SLC66A1: variants seen among roughly 807,000 people sequenced by gnomAD.
The protein encoded by SLC66A1 is solute carrier family 66 member 1, also known as lysosomal amino acid transporter 1 homolog.
In SLC66A1, 23 loss-of-function variants were observed where a neutral mutation model predicts 33.0. The ratio of observed to expected loss-of-function variants is 0.70; its 90% CI spans 0.50 to 0.99. The LOEUF is 0.99. Among genes scored for constraint, SLC66A1 ranks in the 50% least tolerant of loss-of-function variants. SLC66A1 has a pLI of 0.00. For missense variants in SLC66A1, 335 were observed against 383.6 expected (o/e 0.87, Z 1.06); for synonymous variants, 164 against 175.5 (o/e 0.93, Z 0.52).
In SLC66A1 at chr1:19,327,162, CA is replaced by C. The variant is rs1558153695; in HGVS notation, c.619-64del. ...GTGGTGGGGCAGGTGGACATGTGGACAGTTACAATCCAGAGTGACAAGAGGC... is the reference window on the plus strand; with the variant it reads ...GTGGTGGGGCAGGTGGACATGTGGACGTTACAATCCAGAGTGACAAGAGGC... On this transcript the variant is annotated intron_variant, in intron 6 of 7. Transcript: ENST00000375153. 1.8e-5 allele frequency: 26 copies of C among 1,447,286 alleles called. No individual in the cohort carries two copies. In the Admixed American group the frequency reaches 2.8e-4, roughly 16 times the overall value. The allele number at this position is 1,447,286 out of a possible 1,614,324, so 89.7% of individuals were successfully genotyped here. A position where few individuals can be genotyped will look rare whatever the true frequency, so the allele number is the denominator to read the frequency against.
At chr1:19,319,243 G>A (rs775745691) in intron 2 of SLC66A1, among the ~76,000 whole-genome samples, 2 of 152,156 alleles carry the variant, frequency 1.3e-5, no homozygotes, top group Non-Finnish European at 2.9e-5. Flanking sequence ...GGACATTTTC[G>A]TTAGCCCAAA....
chr1:19,313,369 C>G (rs749031872), intron 1 of SLC66A1, among the ~76,000 whole-genome samples: 1 of 152,170 alleles, frequency 6.6e-6, no homozygotes, highest in Non-Finnish European at 1.5e-5. Context: ...TTCTCTCTAC[C>G]TCTCTCTTTC....
chr1:19,326,014 G>C (rs868055956), intron 4 of SLC66A1, among the ~76,000 whole-genome samples: 1 of 152,192 alleles, frequency 6.6e-6, no homozygotes. Context: ...TTCCTGCTTC[G>C]TGTAACCCCC....
intron 2 of SLC66A1, among the ~76,000 whole-genome samples, chr1:19,322,593 G>A (rs867232482): frequency 4.6e-5 from 7 of 152,336 alleles, no homozygotes; most frequent in Middle Eastern, 6.8e-3. Context: ...GATGTCAAGT[G>A]TTTCAAAGGA....
Position 19,326,248 on chromosome 1 carries a change from C to G in SLC66A1, c.386C>G (p.Ser129Cys). ...YKFRTRPSLL[S>C]APINSVLLFL... ...CTTCCCCCTGCCTTGTGTGCAGTGT[C>G]TGCCCCCATCAACTCCGTGCTGTTG... Residue 129 changes from serine (S) to cysteine (C), a missense_variant, in exon 5 of 8, where the codon TCT (serine) becomes TGT (cysteine). Ser to Cys is a moderately radical substitution (Grantham distance 112). Coordinates refer to ENST00000375153, the MANE Select transcript of SLC66A1 (RefSeq NM_001040125.2). 6.2e-7 allele frequency: 1 copy of G among 1,603,038 alleles called. No individual in the cohort carries two copies. Among genetic ancestry groups the G allele is most frequent in the Non-Finnish European group, 8.5e-7 (1 of 1,178,918 alleles).
intron 2 of SLC66A1, among the ~76,000 whole-genome samples, chr1:19,323,338 G>A (rs995374510): frequency 6.6e-6 from 1 of 152,160 alleles, no homozygotes; most frequent in South Asian, 2.1e-4. Flanking sequence ...GAAGAATGCC[G>A]GTTTCTTAGT....
Position 19,328,909 on chromosome 1 carries a change from AG to A in SLC66A1, c.*270del. ...CTACCTCATTCTGCCTACTCACCCC[AG>A]GGGCCACAGCCACAGCCTGCTGGAC... On this transcript the variant is annotated 3_prime_UTR_variant, in exon 8 of 8. Coordinates refer to ENST00000375153, the MANE Select transcript of SLC66A1 (RefSeq NM_001040125.2). The surrounding 1 kb of genome is among the most constrained non-coding windows in gnomAD (Gnocchi z 4.7). 1 of 557,258 alleles carries A rather than the reference AG, an allele frequency of 1.8e-6. No individual in the cohort carries two copies. The highest frequency in any genetic ancestry group is 3.2e-6 in the Non-Finnish European group (1 of 309,936). The allele number at this position is 557,258 out of a possible 1,614,324, so 34.5% of individuals were successfully genotyped here. A position where few individuals can be genotyped will look rare whatever the true frequency, so the allele number is the denominator to read the frequency against.
chr1:19,329,641 A>T (rs1481807034), downstream of SLC66A1, among the ~76,000 whole-genome samples: 1 of 152,254 alleles, frequency 6.6e-6, no homozygotes, highest in Admixed American at 6.5e-5. Context: ...CATCTGTGAA[A>T]TGGACAGTAC....
Position 19,326,265 on chromosome 1 carries a change from G to A in SLC66A1, c.403G>A (p.Val135Met), listed in dbSNP as rs367550241. ...PSLLSAPINS[V>M]LLFLMGMACA... ...TGCAGTGTCTGCCCCCATCAACTCC[G>A]TGCTGTTGTTCCTCATGGGGATGGC... is the stretch of plus-strand genomic sequence containing the variant. The change falls in exon 5 of 8, where the codon GTG (valine) becomes ATG (methionine). Residue 135 changes from valine to methionine, a missense_variant. By Grantham distance (21) the Val-to-Met change is conservative. Transcript: ENST00000375153. 86 of 1,605,714 alleles carry A rather than the reference G, an allele frequency of 5.4e-5. No homozygotes were observed. The highest frequency in any genetic ancestry group is 4.8e-4 in the Admixed American group (29 of 59,970).
At chr1:19,333,421 A>G (rs568315427), downstream of SLC66A1, among the ~76,000 whole-genome samples, 11 of 152,086 alleles carry the variant, frequency 7.2e-5, no homozygotes, top group Non-Finnish European at 1.5e-4. This position sits in a 1 kb window ranked among gnomAD's most constrained non-coding sequence, Gnocchi z 4.2. Flanking sequence ...AGCTCAAGTG[A>G]TCCTCCCACC....
rs765531892 is a variant in SLC66A1, at chr1:19,327,521, A to G, written c.804+109A>G. 1.9e-4 allele frequency: 167 copies of G among 877,532 alleles called. 1 individual carries two copies. In the African/African-American group the frequency reaches 2.8e-3, roughly 15 times the overall value. 54.4% of individuals were successfully genotyped at this position (877,532 alleles called of 1,614,324 possible). A position where few individuals can be genotyped will look rare whatever the true frequency, so the allele number is the denominator to read the frequency against. On this transcript the variant is annotated intron_variant, in intron 7 of 7. Transcript: ENST00000375153. ...TCTTCCTCCCTTCATCCATCCGTCC[A>G]TCCATCCATCCCTCCCTCCCTCCCT...
In SLC66A1 at chr1:19,326,285, G is replaced by T. The variant is rs773289297; in HGVS notation, c.423G>T (p.Gly141=). 1.9e-6 allele frequency: 3 copies of T among 1,606,838 alleles called. No individual in the cohort carries two copies. Among genetic ancestry groups the T allele is most frequent in the Non-Finnish European group, 2.5e-6 (3 of 1,179,872 alleles). ...ACTCCGTGCTGTTGTTCCTCATGGG[G>T]ATGGCGTGCGCCACACCGCTGCTGA... ...PINSVLLFLM[G]MACATPLLSA... The change falls in exon 5 of 8, where the codon GGG becomes GGT. Residue 141 remains glycine (G), a synonymous_variant. Transcript: ENST00000375153.
chr1:19,326,510 G>C (rs192595354), intron 5 of SLC66A1, 21 bp from the exon 6 acceptor site: 2 of 1,614,182 alleles, frequency 1.2e-6, no homozygotes, highest in South Asian at 1.1e-5. Context: ...GAGACACCAA[G>C]TGCCCCCTTC....
chr1:19,326,754 G>T (rs1484835942), intron 6 of SLC66A1, 131 bp downstream of exon 6: 1 of 983,872 alleles, frequency 1.0e-6, no homozygotes, highest in Non-Finnish European at 1.5e-6. Flanking sequence ...CCCGCTGTTG[G>T]CTTGGGCAAG....
At chr1:19,320,411 T>TC (rs2093828363) in intron 2 of SLC66A1, among the ~76,000 whole-genome samples, 1 of 131,922 alleles carries the variant, frequency 7.6e-6, no homozygotes, top group South Asian at 2.5e-4. Context: ...TGGTGGCCTG[T>TC]CTTTTTTTTT....
At chr1:19,332,284 G>A (rs997810810), downstream of SLC66A1, among the ~76,000 whole-genome samples, 14 of 152,206 alleles carry the variant, frequency 9.2e-5, no homozygotes, top group African/African-American at 2.9e-4. Flanking sequence ...GCAGATGTCC[G>A]AAGCCGTTTC....
At position 19,312,675 on chromosome 1, in the gene SLC66A1, G is replaced by C. The variant is rs1227503797; in HGVS notation, c.-293G>C. On this transcript the variant is annotated 5_prime_UTR_variant, in exon 1 of 8. Transcript: ENST00000375153. ...GTTTTTCCCGGGCCGGCCGGGCGAGGGGCCCTCGCGGCGCTGGCCCCAGCA... is the reference window on the plus strand; with the variant it reads ...GTTTTTCCCGGGCCGGCCGGGCGAGCGGCCCTCGCGGCGCTGGCCCCAGCA... The C allele has an allele frequency of 1.3e-5, 2 of 152,724 alleles. No homozygotes were observed. The highest frequency in any genetic ancestry group is 4.8e-5 in the African/African-American group (2 of 41,472). 9.5% of individuals were successfully genotyped at this position (152,724 alleles called of 1,614,324 possible).
chr1:19,333,539 A>G (rs917185579), downstream of SLC66A1, among the ~76,000 whole-genome samples: 1 of 151,296 alleles, frequency 6.6e-6, no homozygotes, highest in African/African-American at 2.4e-5. The surrounding 1 kb of genome is among the most constrained non-coding windows in gnomAD (Gnocchi z 4.2). Flanking sequence ...AACCTTCACC[A>G]CTCTCCACCC....
chr1:19,317,549 A>G (rs2151999812), intron 1 of SLC66A1, 51 bp from the exon 2 acceptor site: 1 of 1,479,078 alleles, frequency 6.8e-7, no homozygotes. Flanking sequence ...ATGACCATGA[A>G]TAGGACCTGG....
Sources: gnomAD v4.1 joint callset for allele counts (sites outside exome capture counted in the v4.1 genomes callset) on GRCh38, gnomAD v4.1.1 for gene constraint, Gnocchi (gnomAD v3.1) non-coding constraint, MANE v1.5 for transcripts, NCBI Gene and HGNC (gene_info 2026-07-23, HGNC 2026-07-21) for gene names.